RERE: variants seen among roughly 807,000 people sequenced by gnomAD.
RERE encodes the protein arginine-glutamic acid dipeptide repeats protein.
Under a neutral mutation model 146.1 loss-of-function variants are expected in RERE, and 40 were observed. That is an observed-to-expected ratio of 0.27 (90% CI 0.21 to 0.36). RERE has a LOEUF of 0.36. Ranked by LOEUF, RERE falls within the 10% of genes least tolerant of loss-of-function variation. RERE has a pLI of 1.00. For missense variants in RERE, 1,933 were observed against 2,138.7 expected (o/e 0.90, Z 1.90); for synonymous variants, 1,003 against 866.0 (o/e 1.16, Z -2.78).
chr1:8,732,820 T>C (rs1569662042), intron 1 of RERE, among the ~76,000 whole-genome samples: 1 of 138,970 alleles, frequency 7.2e-6, no homozygotes, highest in South Asian at 2.4e-4. Context: ...TTTTTTTTTT[T>C]TTTTTTTTTT....
intron 7 of RERE, among the ~76,000 whole-genome samples, chr1:8,526,698 A>C (rs1269942906): frequency 6.6e-6 from 1 of 152,212 alleles, no homozygotes; most frequent in Non-Finnish European, 1.5e-5. Context: ...ATACTAGCCC[A>C]ATCAAGTCTA....
chr1:8,625,405 C>T (rs1295945713), intron 2 of RERE, among the ~76,000 whole-genome samples: 2 of 152,144 alleles, frequency 1.3e-5, no homozygotes, highest in East Asian at 1.9e-4. Context: ...GGAAAGTCTA[C>T]GTATTATTTA....
chr1:8,796,923 T>A (rs144297732), intron 1 of RERE, among the ~76,000 whole-genome samples: 1 of 152,130 alleles, frequency 6.6e-6, no homozygotes, highest in African/African-American at 2.4e-5. Context: ...CGTTGACAAC[T>A]TCTCCCAAGT....
chr1:8,742,353 C>T (rs192045148), intron 1 of RERE, among the ~76,000 whole-genome samples: 5 of 152,264 alleles, frequency 3.3e-5, no homozygotes, highest in Admixed American at 3.3e-4. Flanking sequence ...CAGGAATTTG[C>T]TCAGGGATAT....
chr1:8,544,693 G>A (rs1645837576), intron 6 of RERE, among the ~76,000 whole-genome samples: 1 of 152,098 alleles, frequency 6.6e-6, no homozygotes, highest in South Asian at 2.1e-4. Flanking sequence ...CTTGTTTAGG[G>A]TCAAACACAT....
At position 8,552,743 on chromosome 1, in the gene RERE, G is replaced by A. The variant is rs147333944; in HGVS notation, c.725+3732C>T. ...CCCATTCTGTTTTATGGGAGTAATG[G>A]GACAGGCAAAGCTTCTTTCACAGTG... On this transcript the variant is annotated intron_variant, in intron 6 of 22. Coordinates refer to ENST00000400908, the MANE Select transcript of RERE (RefSeq NM_001042681.2). Among the ~76,000 whole-genome samples, 38 of 152,310 alleles carry A rather than the reference G, an allele frequency of 2.5e-4. No individual in the cohort carries two copies. The East Asian group carries it at 7.3e-3, about 29-fold the overall frequency.
intron 12 of RERE, among the ~76,000 whole-genome samples, chr1:8,413,867 C>T (rs1357805566): frequency 6.6e-6 from 1 of 151,552 alleles, no homozygotes; most frequent in African/African-American, 2.4e-5. Flanking sequence ...ACCAGCCTGG[C>T]CAACACAGTG....
intron 8 of RERE, among the ~76,000 whole-genome samples, chr1:8,506,257 C>T (rs1645249000): frequency 6.6e-6 from 1 of 152,184 alleles, no homozygotes; most frequent in African/African-American, 2.4e-5. Flanking sequence ...TCAGGCCCAC[C>T]TAATGGAACA....
At chr1:8,746,286 G>C (rs4908510) in intron 1 of RERE, among the ~76,000 whole-genome samples, 34,482 of 152,012 alleles carry the variant, frequency 0.23, 4,083 homozygotes, top group Middle Eastern at 0.27. Context: ...CCTCCTTACT[G>C]ACTTTACTCT....
At chr1:8,615,250 G>A (rs1289308303) in intron 3 of RERE, among the ~76,000 whole-genome samples, 1 of 152,096 alleles carries the variant, frequency 6.6e-6, no homozygotes, top group African/African-American at 2.4e-5. Flanking sequence ...CCAAAACAGA[G>A]GGAAAAAGAC....
intron 9 of RERE, among the ~76,000 whole-genome samples, chr1:8,496,028 T>C (rs1424116712): frequency 2.0e-5 from 3 of 151,482 alleles, no homozygotes; most frequent in South Asian, 4.2e-4. Flanking sequence ...CCAGGTATGG[T>C]GGTGCATGCC....
chr1:8,660,620 C>A (rs1638434499), intron 1 of RERE, among the ~76,000 whole-genome samples: 1 of 152,208 alleles, frequency 6.6e-6, no homozygotes. Flanking sequence ...GGAACTCCTG[C>A]TGCCTGTGCT....
Position 8,362,822 on chromosome 1 carries a change from C to G in RERE, c.1763G>C (p.Arg588Pro), listed in dbSNP as rs763675928. The G allele has an allele frequency of 4.3e-6, 7 of 1,613,708 alleles. No individual in the cohort carries two copies. The Admixed American group carries it at 6.7e-5, about 15-fold the overall frequency. ...ATCAGGGCTGGCTGGCTGCTTCTTC[C>G]GACCACTGCGTAGTGTCGACATCTG... is the stretch of plus-strand genomic sequence containing the variant. Reference protein sequence around the residue: ...RGSMSTLRSGRKKQPASPDGR... With the variant: ...RGSMSTLRSGPKKQPASPDGR... The change falls in exon 16 of 23, where the codon CGG becomes CCG. Residue 588 changes from arginine to proline, a missense_variant. This residue lies in a region of RERE where 1,255 missense variants were observed against 1,153.8 expected (regional missense o/e 1.09). Coordinates refer to ENST00000400908, the MANE Select transcript of RERE (RefSeq NM_001042681.2).
At chr1:8,742,415 C>T (rs1640326941) in intron 1 of RERE, among the ~76,000 whole-genome samples, 1 of 152,210 alleles carries the variant, frequency 6.6e-6, no homozygotes, top group South Asian at 2.1e-4. Context: ...CTCTGACACT[C>T]TGGGAGGAAA....
At chr1:8,711,461 A>C (rs1439196042) in intron 1 of RERE, among the ~76,000 whole-genome samples, 1 of 152,194 alleles carries the variant, frequency 6.6e-6, no homozygotes, top group Non-Finnish European at 1.5e-5. Flanking sequence ...AAATATGTTT[A>C]AGGACATTTT....
intron 11 of RERE, among the ~76,000 whole-genome samples, chr1:8,457,274 G>A (rs1041594564): frequency 2.0e-5 from 3 of 152,142 alleles, no homozygotes; most frequent in Admixed American, 6.5e-5. Context: ...CAGGTGGTGA[G>A]GCCAATATCA....
intron 10 of RERE, among the ~76,000 whole-genome samples, chr1:8,488,160 A>C (rs1042331814): frequency 1.3e-5 from 2 of 152,120 alleles, no homozygotes; most frequent in Non-Finnish European, 2.9e-5. Flanking sequence ...AGAAGATCCA[A>C]TATTGTTAGG....
At chr1:8,617,948 T>C (rs1646873843) in intron 3 of RERE, among the ~76,000 whole-genome samples, 2 of 152,136 alleles carry the variant, frequency 1.3e-5, no homozygotes, top group South Asian at 2.1e-4. Context: ...CCAAAGGTAA[T>C]TGAGTAGACT....
chr1:8,611,404 T>C (rs1646791672), intron 4 of RERE, among the ~76,000 whole-genome samples: 1 of 151,464 alleles, frequency 6.6e-6, no homozygotes, highest in South Asian at 2.1e-4. Context: ...CTCAGGAGGC[T>C]GAGGCAGGAG....
Sources: gnomAD v4.1 joint callset for allele counts (sites outside exome capture counted in the v4.1 genomes callset) on GRCh38, gnomAD v4.1.1 for gene constraint, gnomAD v4.1.1 regional missense constraint, MANE v1.5 for transcripts, NCBI Gene and HGNC (gene_info 2026-07-23, HGNC 2026-07-21) for gene names.